Variants in LRP1B observed in about 807,000 individuals in gnomAD.
LRP1B encodes LDL receptor related protein 1B, also known as low-density lipoprotein receptor-related protein 1B.
In LRP1B, 217 loss-of-function variants were observed where a neutral mutation model predicts 556.6. The ratio of observed to expected loss-of-function variants is 0.39; its 90% confidence interval spans 0.35 to 0.44. LRP1B has a LOEUF of 0.44. Among genes scored for constraint, LRP1B ranks in the 20% least tolerant of loss-of-function variants. LRP1B has a pLI of 1.00. For missense variants in LRP1B, 5,053 were observed against 5,620.8 expected, an observed-to-expected ratio of 0.90 and a Z score of 3.23; for synonymous variants, 2,047 against 1,865.8, an observed-to-expected ratio of 1.10 and a Z score of -2.50.
At chr2:141,258,676 G>A (rs1288780167) in intron 3 of LRP1B, among the ~76,000 whole-genome samples, 2 of 152,114 alleles carry the variant, frequency 1.3e-5, no homozygotes, top group Non-Finnish European at 2.9e-5. Flanking sequence ...CTGGAGGGAG[G>A]TGATTGGACT....
chr2:141,697,157 A>G (rs568208766), intron 2 of LRP1B, among the ~76,000 whole-genome samples: 1 of 152,060 alleles, frequency 6.6e-6, no homozygotes, highest in Non-Finnish European at 1.5e-5. Context: ...TTCTTTCAAA[A>G]TTAGAAATTT....
intron 2 of LRP1B, among the ~76,000 whole-genome samples, chr2:141,738,734 CTCTT>C (rs1693586852): frequency 6.6e-6 from 1 of 152,076 alleles, no homozygotes; most frequent in Non-Finnish European, 1.5e-5. Flanking sequence ...GATAAGCAGT[CTCTT>C]TCGTATAAAA....
chr2:141,752,985 A>G (rs2105572257), intron 2 of LRP1B, among the ~76,000 whole-genome samples: 1 of 140,336 alleles, frequency 7.1e-6, no homozygotes, highest in Admixed American at 7.4e-5. Flanking sequence ...GGTGGCTCGA[A>G]CACCTGTAAT....
At chr2:140,497,936 G>T (rs1307296346) in intron 55 of LRP1B, among the ~76,000 whole-genome samples, 1 of 151,560 alleles carries the variant, frequency 6.6e-6, no homozygotes, top group Non-Finnish European at 1.5e-5. Flanking sequence ...ATTTTATTTT[G>T]TTTGAAATAA....
At chr2:141,638,295 G>A (rs1046384262) in intron 2 of LRP1B, among the ~76,000 whole-genome samples, 19 of 152,128 alleles carry the variant, frequency 1.2e-4, no homozygotes, top group African/African-American at 4.8e-5. Context: ...ATGATTGGAA[G>A]CTTCTTGGAA....
intron 3 of LRP1B, among the ~76,000 whole-genome samples, chr2:141,339,712 A>G (rs138798582): frequency 0.012 from 1,782 of 152,106 alleles, 23 homozygotes; most frequent in Middle Eastern, 0.02. Flanking sequence ...ATATTAAAAG[A>G]TTTTCTTTCA....
chr2:141,621,535 T>C (rs1355023062), intron 2 of LRP1B, among the ~76,000 whole-genome samples: 1 of 152,216 alleles, frequency 6.6e-6, no homozygotes, highest in Non-Finnish European at 1.5e-5. Context: ...AAACTACACG[T>C]AAGATTAAAC....
chr2:140,600,423 AC>A (rs1396514149), intron 42 of LRP1B, among the ~76,000 whole-genome samples: 1 of 152,064 alleles, frequency 6.6e-6, no homozygotes, highest in Non-Finnish European at 1.5e-5. Context: ...ATCTGACCTC[AC>A]TTTTAGCTCT....
intron 2 of LRP1B, among the ~76,000 whole-genome samples, chr2:141,619,723 T>C (rs1688434928): frequency 6.6e-6 from 1 of 152,090 alleles, no homozygotes; most frequent in African/African-American, 2.4e-5. Flanking sequence ...AAACACAAGA[T>C]AAGATTAGAG....
At chr2:141,248,382 G>A (rs930152665) in intron 4 of LRP1B, among the ~76,000 whole-genome samples, 2 of 152,066 alleles carry the variant, frequency 1.3e-5, no homozygotes, top group African/African-American at 4.8e-5. Context: ...CCTTATAATA[G>A]GGGTATACTC....
intron 2 of LRP1B, among the ~76,000 whole-genome samples, chr2:141,583,736 A>T (rs1044095628): frequency 3.3e-5 from 5 of 151,854 alleles, no homozygotes; most frequent in Non-Finnish European, 7.4e-5. Flanking sequence ...TAAATATAAG[A>T]ATATTTTATT....
At chr2:140,807,273 A>G (rs1295606949) in intron 32 of LRP1B, among the ~76,000 whole-genome samples, 1 of 152,190 alleles carries the variant, frequency 6.6e-6, no homozygotes, top group East Asian at 1.9e-4. Flanking sequence ...ATCGTTTAAA[A>G]TAATGTAGGA....
intron 35 of LRP1B, among the ~76,000 whole-genome samples, chr2:140,720,045 T>C (rs1391342195): frequency 1.3e-5 from 2 of 152,000 alleles, no homozygotes; most frequent in East Asian, 3.9e-4. Context: ...TACAACAAAT[T>C]GTAAAGATAC....
At chr2:140,769,189 A>G (rs369924807) in intron 35 of LRP1B, 24 bp downstream of exon 35, 50 of 1,604,650 alleles carry the variant, frequency 3.1e-5, no homozygotes, top group Non-Finnish European at 4.2e-5. Context: ...ATTATGCATA[A>G]ATTATGACTA....
intron 41 of LRP1B, among the ~76,000 whole-genome samples, chr2:140,647,614 C>A (rs773237835): frequency 6.6e-6 from 1 of 152,016 alleles, no homozygotes; most frequent in African/African-American, 2.4e-5. Flanking sequence ...TGGTTCCTGC[C>A]CCCATGAACT....
chr2:140,797,976 A>AT (rs1690376733), intron 32 of LRP1B, among the ~76,000 whole-genome samples: 1 of 152,116 alleles, frequency 6.6e-6, no homozygotes, highest in African/African-American at 2.4e-5. Context: ...GAAAACTGCC[A>AT]TATCTTCTCT....
chr2:141,072,948 C>T (rs1014593573), intron 7 of LRP1B, among the ~76,000 whole-genome samples: 3 of 152,090 alleles, frequency 2.0e-5, no homozygotes, highest in Admixed American at 6.6e-5. Context: ...CTCAGTCCGT[C>T]TTTTTCTCTA....
chr2:141,854,148 A>G (rs17817209), intron 1 of LRP1B, among the ~76,000 whole-genome samples: 23,866 of 152,022 alleles, frequency 0.16, 1,968 homozygotes, highest in Non-Finnish European at 0.18. Flanking sequence ...TTCATGAAGT[A>G]ATTTCCAAAT....
At chr2:141,134,233 G>C (rs1405114474) in intron 7 of LRP1B, among the ~76,000 whole-genome samples, 1 of 151,696 alleles carries the variant, frequency 6.6e-6, no homozygotes, top group East Asian at 1.9e-4. Context: ...TATAGCCACG[G>C]ATTCTAGTAA....
Sources: allele counts gnomAD v4.1 joint callset (sites outside exome capture counted in the v4.1 genomes callset), GRCh38; gene constraint gnomAD v4.1.1; transcripts MANE v1.5; gene names NCBI Gene and HGNC (gene_info 2026-07-23, HGNC 2026-07-21).